The following ZNF717 variants were observed in gnomAD, a reference collection of about 807,000 sequenced individuals.
ZNF717 encodes the protein zinc finger protein 717, also known as krueppel-like factor X17.
In ZNF717, 9 loss-of-function variants were observed where a neutral mutation model predicts 13.8. That is an observed-to-expected ratio of 0.65 (90% CI 0.39 to 1.14). The LOEUF is 1.14. ZNF717 is among the 50% of genes most tolerant of loss of function. The probability of loss-of-function intolerance (pLI) is 0.01; values close to 1 mark genes in which losing one functional copy is unlikely to be tolerated. For missense variants in ZNF717, 1,040 were observed against 1,080.7 expected, an observed-to-expected ratio of 0.96 and a Z score of 0.53; for synonymous variants, 327 against 364.1, an observed-to-expected ratio of 0.90 and a Z score of 1.16.
At chr3:75,724,989 A>T (rs1352681026), downstream of ZNF717, among the ~76,000 whole-genome samples, 1 of 152,194 alleles carries the variant, frequency 6.6e-6, no homozygotes, top group Non-Finnish European at 1.5e-5. Flanking sequence ...CCACAACTTT[A>T]TGACTCAGTG....
intron 2 of ZNF717, among the ~76,000 whole-genome samples, chr3:75,772,044 G>A (rs76947063): frequency 4.0e-5 from 6 of 151,582 alleles, no homozygotes; most frequent in Middle Eastern, 3.4e-3. Context: ...GCACAGGAGG[G>A]AGGTTGAGGT....
downstream of ZNF717, among the ~76,000 whole-genome samples, chr3:75,733,718 G>A (rs1293920083): frequency 7.3e-6 from 1 of 136,424 alleles, no homozygotes; most frequent in African/African-American, 2.8e-5. Context: ...GGCAGAGCTT[G>A]CAGTGAGCTG....
intron 4 of ZNF717, among the ~76,000 whole-genome samples, chr3:75,717,122 T>C (rs1938071179): frequency 6.6e-6 from 1 of 152,204 alleles, no homozygotes; most frequent in African/African-American, 2.4e-5. Context: ...GAAGGCTTTT[T>C]TTGCTAAATA....
intron 2 of ZNF717, among the ~76,000 whole-genome samples, chr3:75,766,028 G>T (rs1248963449): frequency 6.6e-6 from 1 of 152,154 alleles, no homozygotes; most frequent in African/African-American, 2.4e-5. Context: ...GACTGGTTGG[G>T]CCTGGGAGGC....
At chr3:75,760,262 T>TC (rs34238028) in intron 2 of ZNF717, among the ~76,000 whole-genome samples, 42,777 of 150,788 alleles carry the variant, frequency 0.28, 3,011 homozygotes, top group Non-Finnish European at 0.36. Context: ...CAGGCTGGTC[T>TC]CCAACTCCTG....
intron 2 of ZNF717, among the ~76,000 whole-genome samples, chr3:75,768,111 A>G (rs781169665): frequency 6.6e-6 from 1 of 152,238 alleles, no homozygotes; most frequent in Non-Finnish European, 1.5e-5. Flanking sequence ...GAGACCTGCA[A>G]CAGGTGCCCC....
intron 4 of ZNF717, among the ~76,000 whole-genome samples, chr3:75,720,012 G>T (rs1479879616): frequency 3.1e-5 from 4 of 127,988 alleles, no homozygotes; most frequent in Admixed American, 7.9e-5. Flanking sequence ...ACGGATTTTT[G>T]CAAGGCTACA....
chr3:75,711,390 T>A (rs1937934004), intron 5 of ZNF717: 1 of 152,258 alleles, frequency 6.6e-6, no homozygotes, highest in Non-Finnish European at 1.5e-5. Context: ...CGTGAACCAC[T>A]TAATTTCATG....
downstream of ZNF717, among the ~76,000 whole-genome samples, chr3:75,705,741 A>C (rs1370064341): frequency 1.3e-5 from 2 of 152,312 alleles, no homozygotes; most frequent in South Asian, 2.1e-4. Context: ...GAAGTGACAG[A>C]TGATAATAGG....
chr3:75,762,140 T>G (rs1364026867), intron 2 of ZNF717, among the ~76,000 whole-genome samples: 1 of 151,624 alleles, frequency 6.6e-6, no homozygotes, highest in Non-Finnish European at 1.5e-5. Context: ...AAGAAATTTT[T>G]AAAAAGAATG....
intron 2 of ZNF717, among the ~76,000 whole-genome samples, chr3:75,763,646 G>T (rs59288254): frequency 6.6e-6 from 1 of 152,076 alleles, no homozygotes; most frequent in African/African-American, 2.4e-5. Flanking sequence ...GCCAACCCAG[G>T]ATTAGGCCCT....
intron 2 of ZNF717, among the ~76,000 whole-genome samples, chr3:75,773,708 A>T (rs1944071124): frequency 6.6e-6 from 1 of 152,184 alleles, no homozygotes; most frequent in Non-Finnish European, 1.5e-5. Flanking sequence ...CTTGGCCCCC[A>T]GAGCTATAAT....
intron 4 of ZNF717, among the ~76,000 whole-genome samples, chr3:75,721,731 C>A (rs1938171269): frequency 6.6e-6 from 1 of 151,878 alleles, no homozygotes; most frequent in African/African-American, 2.4e-5. Context: ...TAGTGATAAA[C>A]CCTATGATAG....
At chr3:75,767,445 A>AC (rs1309412177) in intron 2 of ZNF717, among the ~76,000 whole-genome samples, 27 of 152,240 alleles carry the variant, frequency 1.8e-4, no homozygotes, top group Admixed American at 3.9e-4. Flanking sequence ...GGAACAGAAT[A>AC]TGGCAGCTGG....
chr3:75,744,249 A>G (rs1423186947), intron 2 of ZNF717, among the ~76,000 whole-genome samples: 1 of 152,266 alleles, frequency 6.6e-6, no homozygotes, highest in Non-Finnish European at 1.5e-5. Flanking sequence ...GGCATTGAGA[A>G]GATAGTTTTA....
chr3:75,770,703 A>C (rs1005736022), intron 2 of ZNF717, among the ~76,000 whole-genome samples: 1 of 152,254 alleles, frequency 6.6e-6, no homozygotes, highest in Non-Finnish European at 1.5e-5. Flanking sequence ...TACCATACAC[A>C]TAAGGGAAGA....
intron 2 of ZNF717, among the ~76,000 whole-genome samples, chr3:75,780,681 T>C (rs1207425835): frequency 6.6e-6 from 1 of 152,256 alleles, no homozygotes; most frequent in Non-Finnish European, 1.5e-5. Flanking sequence ...ATTACAGGTG[T>C]GAGCCACCAC....
At chr3:75,732,224 C>T, downstream of ZNF717, 1 of 687,060 alleles carries the variant, frequency 1.5e-6, no homozygotes, top group Non-Finnish European at 2.6e-6. Flanking sequence ...GCCTAACCTG[C>T]TCTCATATAA....
chr3:75,768,708 C>T (rs1432577886), intron 2 of ZNF717, among the ~76,000 whole-genome samples: 5 of 136,236 alleles, frequency 3.7e-5, no homozygotes, highest in African/African-American at 5.6e-5. Context: ...GTCCTCACTG[C>T]GGCTGAGTGT....
Sources: gnomAD v4.1 joint callset for allele counts (sites outside exome capture counted in the v4.1 genomes callset) on GRCh38, gnomAD v4.1.1 for gene constraint, MANE v1.5 for transcripts, NCBI Gene and HGNC (gene_info 2026-07-23, HGNC 2026-07-21) for gene names.